The following KATNAL2 variants were observed in gnomAD, a reference collection of about 807,000 sequenced individuals.
KATNAL2 encodes katanin catalytic subunit A1 like 2, also known as katanin p60 ATPase-containing subunit A-like 2.
A neutral mutation model predicts 76.3 loss-of-function variants in KATNAL2; 52 were observed. The ratio of observed to expected loss-of-function variants is 0.68; its 90% CI spans 0.55 to 0.86. The LOEUF (loss-of-function observed/expected upper bound fraction) is 0.86, where lower values mean the gene tolerates loss of function less well. KATNAL2 is among the 40% of genes least tolerant of loss of function. The pLI, the probability that KATNAL2 is intolerant of heterozygous loss-of-function variation, is 0.00. For synonymous variants in KATNAL2, 243 were observed against 244.2 expected, an observed-to-expected ratio of 1.00 and a Z score of 0.05; for missense variants, 660 against 668.9, an observed-to-expected ratio of 0.99 and a Z score of 0.15.
At chr18:47,065,519 A>G (rs906701739) in intron 10 of KATNAL2, among the ~76,000 whole-genome samples, 2 of 152,128 alleles carry the variant, frequency 1.3e-5, no homozygotes, top group African/African-American at 4.8e-5. Flanking sequence ...TAGAGACCCC[A>G]TTAGCTAGGC....
intron 6 of KATNAL2, among the ~76,000 whole-genome samples, chr18:47,055,626 G>C (rs2061450378): frequency 6.6e-6 from 1 of 152,202 alleles, no homozygotes; most frequent in South Asian, 2.1e-4. Flanking sequence ...TGACAAAAGT[G>C]TTATTCTTTT....
intron 3 of KATNAL2, among the ~76,000 whole-genome samples, chr18:46,961,928 G>C (rs750337614): frequency 2.4e-4 from 37 of 152,206 alleles, no homozygotes; most frequent in Non-Finnish European, 4.7e-4. Context: ...AAGAATATAA[G>C]TTTTTAAGAG....
chr18:47,034,180 C>T (rs1337256009), intron 3 of KATNAL2: 3 of 1,614,190 alleles, frequency 1.9e-6, no homozygotes, highest in East Asian at 4.5e-5. Context: ...AGAGAGGGAG[C>T]TCACGGACGT....
Position 47,034,672 on chromosome 18 carries a change from G to C in KATNAL2, c.52-11785G>C, listed in dbSNP as rs373214046. 3.0e-5 allele frequency: 48 copies of C among 1,613,494 alleles called. No individual in the cohort carries two copies. The highest frequency in any genetic ancestry group is 4.2e-6 in the Non-Finnish European group (5 of 1,179,968). On this transcript the variant is annotated intron_variant, in intron 3 of 17. Transcript: ENST00000683218. ...CAGAGGCCCGCCCTGAGCCGCGTGA[G>C]TGTGGCCTCTTCCGGGTTGCTTCCC...
In KATNAL2 at chr18:47,069,520, G is replaced by C; in HGVS notation, c.928G>C (p.Glu310Gln). Residue 310 changes from glutamate (E) to glutamine (Q), a missense_variant, in exon 13 of 18, where the codon GAA becomes CAA. By Grantham distance (29) the Glu-to-Gln change is conservative (BLOSUM62 2). Coordinates refer to ENST00000683218, the MANE Select transcript of KATNAL2 (RefSeq NM_001387690.1). The part of the protein sequence containing the change: ...KTLLAKAVAT[E>Q]CKTTFFNISA... ...TTTACTGGCCAAAGCTGTGGCCACT[G>C]AATGTAAAACAACCTTCTTTAACAT... The C allele has an allele frequency of 1.2e-6, 2 of 1,613,970 alleles. No individual in the cohort carries two copies. Among genetic ancestry groups the C allele is most frequent in the Non-Finnish European group, 1.7e-6 (2 of 1,179,886 alleles).
At chr18:47,073,658 C>T (rs979635860) in intron 13 of KATNAL2, among the ~76,000 whole-genome samples, 2 of 152,222 alleles carry the variant, frequency 1.3e-5, no homozygotes, top group African/African-American at 2.4e-5. Flanking sequence ...CCCTCCCCTA[C>T]TAATGTCTGT....
chr18:47,092,237 G>T (rs531457553), intron 15 of KATNAL2, among the ~76,000 whole-genome samples: 6 of 152,176 alleles, frequency 3.9e-5, no homozygotes, highest in African/African-American at 1.4e-4. Flanking sequence ...AGTGGATCAC[G>T]CCTGTAATCC....
At chr18:47,060,988 T>C (rs996445137) in intron 8 of KATNAL2, among the ~76,000 whole-genome samples, 1 of 152,230 alleles carries the variant, frequency 6.6e-6, no homozygotes, top group African/African-American at 2.4e-5. Flanking sequence ...GAAGGGACCA[T>C]TTAACCCAGC....
rs139048513 is a variant in KATNAL2 at position 47,047,432 on chromosome 18, G to A, written c.122+905G>A. Among the ~76,000 whole-genome samples, 1,468 of 152,064 alleles carry A rather than the reference G, an allele frequency of 9.7e-3. 21 individuals are homozygous for A. Among genetic ancestry groups the A allele is most frequent in the African/African-American group, 0.032 (1,332 of 41,392 alleles). ...CAGTTTTTCTTTCCTCAAAATAAAC[G>A]TATTGCATTTACTTGGACAACCTAA... On this transcript the variant is annotated intron_variant, in intron 4 of 17. Transcript: ENST00000683218.
intron 3 of KATNAL2, chr18:47,035,357 T>A (rs2146969731): frequency 6.3e-7 from 1 of 1,586,512 alleles, no homozygotes; most frequent in East Asian, 2.3e-5. Context: ...CGGTCCTCGC[T>A]GCCCGGTCGC....
chr18:47,034,223 C>A (rs1047894639), intron 3 of KATNAL2: 1 of 1,613,838 alleles, frequency 6.2e-7, no homozygotes, highest in Admixed American at 1.7e-5. Flanking sequence ...GGCTTCCCCT[C>A]TTGAGTCTCT....
intron 3 of KATNAL2, chr18:47,022,663 GC>G: frequency 1.5e-6 from 1 of 675,112 alleles, no homozygotes; most frequent in Non-Finnish European, 2.0e-6. Flanking sequence ...CTGCTCTCGG[GC>G]GTCCCGAAGC....
intron 3 of KATNAL2, among the ~76,000 whole-genome samples, chr18:46,956,039 CAT>C (rs2059735917): frequency 6.6e-6 from 1 of 152,174 alleles, no homozygotes; most frequent in Non-Finnish European, 1.5e-5. Context: ...AATTGACTAA[CAT>C]ATGATTCATA....
At chr18:47,081,157 C>A (rs1442414452) in intron 15 of KATNAL2, among the ~76,000 whole-genome samples, 1 of 151,656 alleles carries the variant, frequency 6.6e-6, no homozygotes, top group Non-Finnish European at 1.5e-5. Flanking sequence ...CCTTTCTGAA[C>A]TTTTTTATTC....
chr18:47,035,107 A>C (rs980413889), intron 3 of KATNAL2: 1 of 1,611,218 alleles, frequency 6.2e-7, no homozygotes. Flanking sequence ...CAGGCGCTTC[A>C]CCGTCTTTCT....
chr18:46,946,656 G>A, intron 2 of KATNAL2, 110 bp downstream of exon 2: 2 of 1,159,910 alleles, frequency 1.7e-6, no homozygotes, highest in Non-Finnish European at 2.3e-6. Flanking sequence ...CTCTTCATTG[G>A]CCAGTGTCAT....
intron 1 of KATNAL2, among the ~76,000 whole-genome samples, chr18:46,940,649 T>C (rs73437174): frequency 0.02 from 2,996 of 152,196 alleles, 96 homozygotes; most frequent in African/African-American, 0.069. Context: ...CAGTTTGACA[T>C]GAATGAGGCT....
At chr18:47,045,830 CCA>C (rs1173080974) in intron 3 of KATNAL2, among the ~76,000 whole-genome samples, 1 of 152,146 alleles carries the variant, frequency 6.6e-6, no homozygotes, top group Non-Finnish European at 1.5e-5. Flanking sequence ...ATTTGAGATA[CCA>C]GTTTCCTAAA....
chr18:47,099,472 G>T, intron 16 of KATNAL2, 67 bp downstream of exon 16: 1 of 1,436,826 alleles, frequency 7.0e-7, no homozygotes, highest in Middle Eastern at 1.9e-4. Flanking sequence ...TGTAGACCAG[G>T]TCTTACCATG....
Sources: allele counts gnomAD v4.1 joint callset (sites outside exome capture counted in the v4.1 genomes callset), GRCh38; gene constraint gnomAD v4.1.1; transcripts MANE v1.5; gene names NCBI Gene and HGNC (gene_info 2026-07-23, HGNC 2026-07-21).